IL2RB: variants seen among roughly 807,000 people sequenced by gnomAD.
The protein encoded by IL2RB is interleukin-2 receptor subunit beta.
IL2RB carries 17 observed loss-of-function variants against 44.2 expected under a neutral mutation model. The ratio of observed to expected loss-of-function variants is 0.38; its 90% CI spans 0.26 to 0.58. The LOEUF is 0.58. IL2RB is among the 20% of genes least tolerant of loss of function. IL2RB has a pLI of 0.63. For missense variants in IL2RB, 624 were observed against 685.5 expected, an observed-to-expected ratio of 0.91 and a Z score of 1.00; for synonymous variants, 286 against 297.9, an observed-to-expected ratio of 0.96 and a Z score of 0.41.
intron 8 of IL2RB, among the ~76,000 whole-genome samples, chr22:37,133,354 G>C (rs1208701507): frequency 6.6e-6 from 1 of 152,166 alleles, no homozygotes; most frequent in African/African-American, 2.4e-5. Flanking sequence ...AAGAGGAAAC[G>C]GGGCTCCGAA....
At chr22:37,156,881 C>T (rs748962011) in intron 1 of IL2RB, among the ~76,000 whole-genome samples, 8 of 152,206 alleles carry the variant, frequency 5.3e-5, no homozygotes, top group Non-Finnish European at 1.2e-4. Flanking sequence ...AGCCAGCTGA[C>T]ACTGTCACCC....
In IL2RB at chr22:37,169,592, A is replaced by C. The variant is rs1052240407; in HGVS notation, c.-34+5366T>G. ...TCCCTAACTGGGCCCCCTCTTGAAG[A>C]TCCCCCTTTGCATCCAATCCTCTGG... On this transcript the variant is annotated intron_variant, in intron 1 of 5. Coordinates refer to the IL2RB transcript ENST00000429622. Among the ~76,000 whole-genome samples the C allele has an allele frequency of 7.3e-5, 11 of 151,604 alleles. No homozygotes were observed. The South Asian group carries it at 1.9e-3, about 26-fold the overall frequency.
chr22:37,154,882 A>ATCTCTT (rs1922624639), upstream of IL2RB, among the ~76,000 whole-genome samples: 1 of 151,742 alleles, frequency 6.6e-6, no homozygotes, highest in Non-Finnish European at 1.5e-5. Flanking sequence ...CCATCCCTCT[A>ATCTCTT]TCTCTTTCTC....
chr22:37,128,092 C>G lies in IL2RB; in HGVS notation c.*4G>C. 1 of 1,525,268 alleles carries G rather than the reference C, an allele frequency of 6.6e-7. No individual in the cohort carries two copies. Among genetic ancestry groups the G allele is most frequent in the Non-Finnish European group, 8.8e-7 (1 of 1,142,760 alleles). 94.5% of individuals were successfully genotyped at this position (1,525,268 alleles called of 1,614,324 possible). On this transcript the variant is annotated 3_prime_UTR_variant, in exon 10 of 10. Transcript: ENST00000216223. The surrounding 1 kb of genome is among the most constrained non-coding windows in gnomAD (Gnocchi z 4.5). ...GCTGCCTGCCTCCCACCCTGGCCAT[C>G]TGTCTACACCAAGTGAGTTGGGTCC... is the stretch of plus-strand genomic sequence containing the variant.
intron 3 of IL2RB, chr22:37,142,831 A>G (rs1377991749): frequency 8.4e-6 from 4 of 475,456 alleles, no homozygotes; most frequent in African/African-American, 3.9e-5. Context: ...TAGGATGAAG[A>G]TAGATCCTTA....
intron 3 of IL2RB, chr22:37,142,817 G>C: frequency 1.9e-6 from 1 of 514,060 alleles, no homozygotes; most frequent in Non-Finnish European, 3.6e-6. Flanking sequence ...AGCTCCATGA[G>C]GCTTAGGATG....
intron 5 of IL2RB, among the ~76,000 whole-genome samples, chr22:37,137,946 C>A (rs1921790096): frequency 6.6e-6 from 1 of 152,166 alleles, no homozygotes; most frequent in Non-Finnish European, 1.5e-5. Context: ...CTGCATCCCC[C>A]TTGCCTGTTT....
chr22:37,147,534 A>G (rs1168520046), intron 1 of IL2RB, among the ~76,000 whole-genome samples: 17 of 152,186 alleles, frequency 1.1e-4, no homozygotes, highest in Admixed American at 1.1e-3. Flanking sequence ...CAATGGCTTT[A>G]TTATCCCATT....
chr22:37,157,656 G>T (rs1439824181), intron 1 of IL2RB, among the ~76,000 whole-genome samples: 2 of 152,176 alleles, frequency 1.3e-5, no homozygotes, highest in Admixed American at 6.5e-5. Context: ...TCAGCTCCCC[G>T]ATTTAAAACC....
chr22:37,160,543 A>G (rs1186253693), intron 1 of IL2RB, among the ~76,000 whole-genome samples: 1 of 152,220 alleles, frequency 6.6e-6, no homozygotes, highest in African/African-American at 2.4e-5. Context: ...TGTCTGCACC[A>G]TACTACCAGG....
In IL2RB at chr22:37,139,060, G is replaced by A. The variant is rs1484086625; in HGVS notation, c.388+57C>T. The A allele has an allele frequency of 5.4e-6, 6 of 1,120,600 alleles. No homozygotes were observed. In the African/African-American group the frequency reaches 6.1e-5, roughly 11 times the overall value. 69.4% of individuals were successfully genotyped at this position (1,120,600 alleles called of 1,614,324 possible). ...TGGAGCAGGGAAGATCCCAGAGGAGGTGGAAGGAAGGAGGTGCCCAGCCCT... is the reference window on the plus strand; with the variant it reads ...TGGAGCAGGGAAGATCCCAGAGGAGATGGAAGGAAGGAGGTGCCCAGCCCT... On this transcript the variant is annotated intron_variant, in intron 5 of 9. Transcript: ENST00000216223.
At chr22:37,160,679 C>CAAAAAAAAAAAAAGAAAAA (rs1922828035) in intron 1 of IL2RB, among the ~76,000 whole-genome samples, 1 of 136,006 alleles carries the variant, frequency 7.4e-6, no homozygotes, top group African/African-American at 2.9e-5. Flanking sequence ...CTGTCTATGC[C>CAAAAAAAAAAAAAGAAAAA]AAAAAAAAAA....
In IL2RB at chr22:37,142,420, G is replaced by A. The variant is rs377016918; in HGVS notation, c.282+14C>T. ...ACCCTCTCCCTGCACTCTCTCCCTG[G>A]GTGGGCTACTCACATCTGGGGCTCC... On this transcript the variant is annotated intron_variant, in intron 4 of 9. Coordinates refer to ENST00000216223, the MANE Select transcript of IL2RB (RefSeq NM_000878.5). 39 of 1,612,352 alleles carry A rather than the reference G, an allele frequency of 2.4e-5. No individual in the cohort carries two copies. The East Asian group carries it at 3.3e-4, about 14-fold the overall frequency.
At chr22:37,155,409 A>G (rs1043827189) in intron 1 of IL2RB, among the ~76,000 whole-genome samples, 1 of 152,174 alleles carries the variant, frequency 6.6e-6, no homozygotes, top group Non-Finnish European at 1.5e-5. Flanking sequence ...TTCCCAGTGC[A>G]TTCACAGTAA....
intron 1 of IL2RB, among the ~76,000 whole-genome samples, chr22:37,161,034 G>T (rs1348604228): frequency 3.3e-5 from 5 of 152,188 alleles, no homozygotes; most frequent in African/African-American, 1.2e-4. Context: ...CCAGCTACTT[G>T]GGAGGCTGAG....
At chr22:37,151,248 C>G (rs191746904), upstream of IL2RB, among the ~76,000 whole-genome samples, 20 of 152,248 alleles carry the variant, frequency 1.3e-4, no homozygotes, top group East Asian at 3.9e-3. Context: ...TTATTGCCTG[C>G]CTTTTGGATA....
At chr22:37,173,896 A>G (rs987186864) in intron 1 of IL2RB, among the ~76,000 whole-genome samples, 10 of 152,208 alleles carry the variant, frequency 6.6e-5, no homozygotes, top group Admixed American at 2.0e-4. Flanking sequence ...TGCCTCTCAC[A>G]TCTGGGAAGA....
intron 7 of IL2RB, 38 bp downstream of exon 7, chr22:37,136,190 T>A (rs1209871765): frequency 6.3e-7 from 1 of 1,581,776 alleles, no homozygotes; most frequent in East Asian, 2.3e-5. Flanking sequence ...CGCCCCCTCC[T>A]GCCTGAGCCC....
chr22:37,162,121 A>G (rs916523551), intron 1 of IL2RB: 5 of 152,200 alleles, frequency 3.3e-5, no homozygotes, highest in African/African-American at 1.2e-4. Context: ...TATATTTAGT[A>G]CAGATCTCAG....
Sources: allele counts gnomAD v4.1 joint callset (sites outside exome capture counted in the v4.1 genomes callset), GRCh38; gene constraint gnomAD v4.1.1; non-coding constraint Gnocchi (gnomAD v3.1); transcripts MANE v1.5; gene names NCBI Gene and HGNC (gene_info 2026-07-23, HGNC 2026-07-21).